Variants in WDR89 observed in about 807,000 individuals in gnomAD.
WDR89 encodes the protein WD repeat-containing protein 89.
A neutral mutation model predicts 29.1 loss-of-function variants in WDR89; 17 were observed. The observed-to-expected ratio is 0.58, with a 90% CI of 0.40 to 0.88. The LOEUF (loss-of-function observed/expected upper bound fraction) is 0.88, where lower values mean the gene tolerates loss of function less well. WDR89 is among the 40% of genes least tolerant of loss of function. The pLI is 0.00. For synonymous variants in WDR89, 138 were observed against 157.8 expected, an observed-to-expected ratio of 0.87 and a Z score of 0.94; for missense variants, 396 against 456.3, an observed-to-expected ratio of 0.87 and a Z score of 1.20.
At chr14:63,639,368 A>AG (rs1883946421) in intron 1 of WDR89, among the ~76,000 whole-genome samples, 1 of 151,796 alleles carries the variant, frequency 6.6e-6, no homozygotes, top group Non-Finnish European at 1.5e-5. Context: ...AAAAAAAAAA[A>AG]AAAAAAAAAG....
At chr14:63,602,049 G>A (rs767470775) in intron 2 of WDR89, among the ~76,000 whole-genome samples, 1 of 152,144 alleles carries the variant, frequency 6.6e-6, no homozygotes, top group Non-Finnish European at 1.5e-5. Context: ...TTGCTTTAGT[G>A]ATATCTTCTT....
chr14:63,602,783 A>AAG (rs1342459825), intron 2 of WDR89, among the ~76,000 whole-genome samples: 1 of 152,116 alleles, frequency 6.6e-6, no homozygotes, highest in African/African-American at 2.4e-5. Context: ...AAAAAAAAAA[A>AAG]AAAAGATGTA....
intron 1 of WDR89, chr14:63,630,794 CTTT>C (rs74590116): frequency 5.0e-5 from 7 of 140,880 alleles, no homozygotes; most frequent in African/African-American, 5.2e-5. Flanking sequence ...ATGTATTGTC[CTTT>C]TTTTTTTTTT....
intron 2 of WDR89, among the ~76,000 whole-genome samples, chr14:63,610,193 C>T (rs768805793): frequency 8.0e-5 from 11 of 136,668 alleles, no homozygotes; most frequent in Admixed American, 6.2e-4. Context: ...GCACTCTGGC[C>T]GGGGCGACAG....
At chr14:63,607,540 T>G (rs540155125) in intron 2 of WDR89, among the ~76,000 whole-genome samples, 1 of 152,230 alleles carries the variant, frequency 6.6e-6, no homozygotes, top group South Asian at 2.1e-4. Flanking sequence ...TCCCCAAAAG[T>G]TATCAGGGAT....
At chr14:63,629,117 T>C (rs1193930693) in intron 1 of WDR89, among the ~76,000 whole-genome samples, 1 of 152,150 alleles carries the variant, frequency 6.6e-6, no homozygotes, top group Admixed American at 6.6e-5. Flanking sequence ...CCAAGCTTAG[T>C]AGAATGTTTA....
At chr14:63,615,257 T>C (rs1882233027) in intron 2 of WDR89, among the ~76,000 whole-genome samples, 1 of 152,200 alleles carries the variant, frequency 6.6e-6, no homozygotes, top group Non-Finnish European at 1.5e-5. Context: ...CAAGAACAAT[T>C]AACTGCCTTT....
chr14:63,634,037 T>C (rs1883574257), intron 1 of WDR89, among the ~76,000 whole-genome samples: 1 of 152,170 alleles, frequency 6.6e-6, no homozygotes, highest in Admixed American at 6.6e-5. Flanking sequence ...CTGTAAAAAA[T>C]CATCAGGACA....
Position 63,600,717 on chromosome 14 carries a change from CAAAAAAAAAAAAAAAAAAAAAA to C in WDR89, c.-31-766_-31-745del, listed in dbSNP as rs56059698. Among the ~76,000 whole-genome samples, 48 of 36,208 alleles carry C rather than the reference CAAAAAAAAAAAAAAAAAAAAAA, an allele frequency of 1.3e-3. No individual in the cohort carries two copies. The Middle Eastern group carries it at 0.068, about 51-fold the overall frequency. The allele number at this position is 36,208 out of a possible 152,430, so 23.8% of individuals were successfully genotyped here. ...TAGAATTTAAACATAGATATGTAGG[CAAAAAAAAAAAAAAAAAAAAAA>C]AAAAAAAAAAAAAAAGGTTTCCCAA... On this transcript the variant is annotated intron_variant, in intron 2 of 2. Transcript: ENST00000620954.
At chr14:63,640,058 G>A (rs1884001252) in intron 1 of WDR89, among the ~76,000 whole-genome samples, 1 of 152,164 alleles carries the variant, frequency 6.6e-6, no homozygotes, top group Non-Finnish European at 1.5e-5. Flanking sequence ...ACAATCTAAG[G>A]TAAGAATACA....
intron 2 of WDR89, among the ~76,000 whole-genome samples, chr14:63,620,578 T>G (rs906558599): frequency 1.4e-4 from 22 of 152,046 alleles, no homozygotes; most frequent in African/African-American, 5.3e-4. Context: ...AACAATGTAC[T>G]GTACATTTGA....
At chr14:63,612,830 G>C (rs1277416390) in intron 2 of WDR89, among the ~76,000 whole-genome samples, 1 of 152,126 alleles carries the variant, frequency 6.6e-6, no homozygotes, top group Non-Finnish European at 1.5e-5. Context: ...ATGAAGAGTT[G>C]GTAGGGCTAT....
At chr14:63,635,800 G>C (rs1399317999) in intron 1 of WDR89, among the ~76,000 whole-genome samples, 1 of 152,198 alleles carries the variant, frequency 6.6e-6, no homozygotes, top group Non-Finnish European at 1.5e-5. Flanking sequence ...CAAGATTAAT[G>C]TACACAAATC....
chr14:63,621,214 C>T (rs1271304599), intron 2 of WDR89, among the ~76,000 whole-genome samples: 2 of 152,160 alleles, frequency 1.3e-5, no homozygotes, highest in East Asian at 1.9e-4. Context: ...AACATATGTT[C>T]GTGCAAAAAA....
intron 2 of WDR89, among the ~76,000 whole-genome samples, chr14:63,612,872 T>C (rs1882077088): frequency 6.6e-6 from 1 of 152,092 alleles, no homozygotes; most frequent in South Asian, 2.1e-4. Context: ...GTTTGGGAAA[T>C]GAGAAGCAGC....
rs200681506 is a variant in WDR89 at position 63,599,753 on chromosome 14, G to T, written c.190C>A (p.Arg64=). The change falls in exon 3 of 3, where the codon CGA becomes AGA. Residue 64 remains arginine, a synonymous_variant. Coordinates refer to ENST00000620954, the MANE Select transcript of WDR89 (RefSeq NM_080666.4). ...AGTCCAGGATATCCACTAAATTCTC[G>T]TAGTACATTTAACCTTTCTTTATCA... ...IYDKERLNVL[R]EFSGYPGLLN... is the part of the protein sequence containing the mutation. 10 of 1,609,632 alleles carry T rather than the reference G, an allele frequency of 6.2e-6. 1 individual carries two copies. The South Asian group carries it at 7.7e-5, about 12-fold the overall frequency.
intron 2 of WDR89, among the ~76,000 whole-genome samples, chr14:63,602,735 G>A (rs12881656): frequency 1.3e-5 from 2 of 148,806 alleles, no homozygotes; most frequent in African/African-American, 5.0e-5. Context: ...TCGCGCCGTT[G>A]CACTCCATCC....
chr14:63,611,385 A>C (rs565820475), intron 2 of WDR89, among the ~76,000 whole-genome samples: 6 of 151,564 alleles, frequency 4.0e-5, no homozygotes, highest in South Asian at 2.1e-4. Flanking sequence ...AAAAGAAAGA[A>C]AGACCAACAA....
Position 63,599,229 on chromosome 14 carries a change from A to G in WDR89, c.714T>C (p.Asp238=), listed in dbSNP as rs1403824901. The G allele has an allele frequency of 6.2e-7, 1 of 1,605,924 alleles. No homozygotes were observed. Among genetic ancestry groups the G allele is most frequent in the African/African-American group, 1.3e-5 (1 of 74,788 alleles). The part of the protein sequence containing the change: ...GYKQIYCMTH[D]EGFYWWDLNH... ...TAAGATCCCACCAATAAAATCCTTCATCATGTGTCATGCAGTAAATCTGTT... is the reference window on the plus strand; with the variant it reads ...TAAGATCCCACCAATAAAATCCTTCGTCATGTGTCATGCAGTAAATCTGTT... Residue 238 remains aspartate, a synonymous_variant, in exon 3 of 3, where the codon GAT becomes GAC. Coordinates refer to ENST00000620954, the MANE Select transcript of WDR89 (RefSeq NM_080666.4).
Sources: gnomAD v4.1 joint callset for allele counts (sites outside exome capture counted in the v4.1 genomes callset) on GRCh38, gnomAD v4.1.1 for gene constraint, MANE v1.5 for transcripts, NCBI Gene and HGNC (gene_info 2026-07-23, HGNC 2026-07-21) for gene names.